Variants in HNRNPF observed in about 807,000 individuals in gnomAD.
The protein encoded by HNRNPF is HnRNP F protein.
A neutral mutation model predicts 26.0 loss-of-function variants in HNRNPF; 2 were observed. The observed-to-expected ratio is 0.08, with a 90% CI of 0.03 to 0.24. HNRNPF has a LOEUF of 0.24. HNRNPF is among the 10% of genes least tolerant of loss of function. The pLI, the probability that HNRNPF is intolerant of heterozygous loss-of-function variation, is 1.00. For missense variants in HNRNPF, 299 were observed against 539.2 expected (o/e 0.55, Z 4.41); for synonymous variants, 234 against 211.5 (o/e 1.11, Z -0.92).
intron 1 of HNRNPF, among the ~76,000 whole-genome samples, chr10:43,400,413 G>T (rs560296869): frequency 2.0e-5 from 3 of 152,266 alleles, no homozygotes; most frequent in Non-Finnish European, 2.9e-5. Flanking sequence ...TCTGCTGCTC[G>T]TGTCTGTTCA....
At chr10:43,403,729 T>C (rs1564399315) in intron 1 of HNRNPF, among the ~76,000 whole-genome samples, 1 of 152,188 alleles carries the variant, frequency 6.6e-6, no homozygotes, top group Non-Finnish European at 1.5e-5. Flanking sequence ...CCATATATAG[T>C]GGCTCACACC....
chr10:43,400,645 A>G (rs974154329), intron 1 of HNRNPF, among the ~76,000 whole-genome samples: 1 of 152,242 alleles, frequency 6.6e-6, no homozygotes, highest in Non-Finnish European at 1.5e-5. Context: ...TGAACTCAAG[A>G]ATTATGATAC....
intron 3 of HNRNPF, among the ~76,000 whole-genome samples, chr10:43,393,132 C>T (rs1389977058): frequency 6.6e-6 from 1 of 152,206 alleles, no homozygotes; most frequent in African/African-American, 2.4e-5. Context: ...ACAGCTCTAC[C>T]CTGTTCCTAA....
Position 43,387,165 on chromosome 10 carries a change from G to A in HNRNPF, c.720C>T (p.Tyr240=), listed in dbSNP as rs761272514. ...RMRPGAYSTG[Y]GGYEEYSGLS... is the part of the protein sequence containing the mutation. The stretch of plus-strand genomic sequence containing the variant: ...GGCCACTGTACTCCTCGTAGCCCCC[G>A]TAGCCTGTGCTGTAGGCACCAGGCC... Residue 240 remains tyrosine, a synonymous_variant, in exon 4 of 4, where the codon TAC becomes TAT. Transcript: ENST00000682386. The surrounding 1 kb of genome is among the most constrained non-coding windows in gnomAD (Gnocchi z 6.0). 1.1e-5 allele frequency: 17 copies of A among 1,613,974 alleles called. No individual in the cohort carries two copies. Among genetic ancestry groups the A allele is most frequent in the African/African-American group, 4.0e-5 (3 of 74,922 alleles).
At position 43,386,663 on chromosome 10, in the gene HNRNPF, G is replaced by A. The variant is rs1554788453; in HGVS notation, c.1222C>T (p.Gln408Ter). Reference protein sequence around the residue: ...SGCYGAGYSGQNSMGGYD With the variant: ...SGCYGAGYSG Reference sequence around the variant, plus strand: ...TAGTCATAGCCACCCATGCTGTTCTGCCCACTGTAGCCGGCCCCGTAACAG... The same window carrying A: ...TAGTCATAGCCACCCATGCTGTTCTACCCACTGTAGCCGGCCCCGTAACAG... The change falls in exon 4 of 4, where the codon CAG becomes TAG. Residue 408 changes from glutamine (Q) to a stop codon, truncating the protein, a stop_gained. Transcript: ENST00000682386. LOFTEE classifies it high-confidence loss of function. 6.3e-7 allele frequency: 1 copy of A among 1,576,454 alleles called. No homozygotes were observed. Among genetic ancestry groups the A allele is most frequent in the Non-Finnish European group, 8.6e-7 (1 of 1,168,000 alleles).
chr10:43,395,882 C>T (rs1347213312), intron 2 of HNRNPF, among the ~76,000 whole-genome samples: 1 of 152,206 alleles, frequency 6.6e-6, no homozygotes, highest in Admixed American at 6.5e-5. Context: ...CTGTAGACCA[C>T]GGCCACTGCG....
chr10:43,394,116 C>T (rs1039437683), intron 3 of HNRNPF, among the ~76,000 whole-genome samples: 3 of 152,214 alleles, frequency 2.0e-5, no homozygotes, highest in African/African-American at 2.4e-5. Context: ...ATGACCCCAT[C>T]CTCAGCACAG....
At chr10:43,407,284 C>A (rs917033043) in intron 1 of HNRNPF, among the ~76,000 whole-genome samples, 1 of 151,632 alleles carries the variant, frequency 6.6e-6, no homozygotes, top group African/African-American at 2.4e-5. Flanking sequence ...CCTCGCGTCC[C>A]GCCACGCAGA....
intron 1 of HNRNPF, among the ~76,000 whole-genome samples, chr10:43,401,309 G>A (rs982556415): frequency 1.3e-5 from 2 of 152,162 alleles, no homozygotes; most frequent in Non-Finnish European, 1.5e-5. Context: ...CAAAAGCTGT[G>A]TTACTAAAAA....
intron 1 of HNRNPF, among the ~76,000 whole-genome samples, chr10:43,406,588 G>C (rs762092069): frequency 3.9e-5 from 6 of 152,180 alleles, no homozygotes; most frequent in African/African-American, 1.4e-4. Flanking sequence ...CCAGATACTC[G>C]GCGGCTGAGG....
At chr10:43,398,276 G>A (rs781734405) in intron 1 of HNRNPF, among the ~76,000 whole-genome samples, 3 of 151,776 alleles carry the variant, frequency 2.0e-5, no homozygotes, top group African/African-American at 4.8e-5. Flanking sequence ...CCCCTGCCTC[G>A]GCCTCCCAAA....
intron 1 of HNRNPF, among the ~76,000 whole-genome samples, chr10:43,406,970 G>A (rs1287462127): frequency 6.6e-6 from 1 of 152,160 alleles, no homozygotes; most frequent in Non-Finnish European, 1.5e-5. Flanking sequence ...GAGTCACTTT[G>A]CAGGAATAGC....
chr10:43,394,362 G>A (rs1292922691), intron 3 of HNRNPF, among the ~76,000 whole-genome samples: 2 of 152,192 alleles, frequency 1.3e-5, no homozygotes, highest in African/African-American at 4.8e-5. Flanking sequence ...CTGAAGGCAA[G>A]GCGAAGAGAC....
intron 1 of HNRNPF, among the ~76,000 whole-genome samples, chr10:43,398,103 C>CT (rs1838624637): frequency 6.6e-6 from 1 of 152,154 alleles, no homozygotes; most frequent in Non-Finnish European, 1.5e-5. Context: ...TCTTGGCTCA[C>CT]TGCAACCTCT....
At chr10:43,388,379 G>A (rs576024096) in intron 3 of HNRNPF, among the ~76,000 whole-genome samples, 2 of 152,262 alleles carry the variant, frequency 1.3e-5, no homozygotes, top group South Asian at 2.1e-4. Context: ...ATAAGGGATG[G>A]GAACATAGCA....
At position 43,388,277 on chromosome 10, in the gene HNRNPF, C is replaced by T. The variant is rs148205008; in HGVS notation, c.-52-341G>A. ...CACCTATAAGAGCTCCTGAGTTGTT[C>T]CTCCTAAACTATACGCCTTACATTT... On this transcript the variant is annotated intron_variant, in intron 3 of 3. Transcript: ENST00000682386. 9.4e-4 allele frequency among the ~76,000 whole-genome samples: 143 copies of T among 152,282 alleles called. 1 individual carries two copies. The highest frequency in any genetic ancestry group is 3.3e-3 in the African/African-American group (136 of 41,568).
At chr10:43,394,966 G>GT (rs1238701697) in intron 2 of HNRNPF, among the ~76,000 whole-genome samples, 1 of 152,062 alleles carries the variant, frequency 6.6e-6, no homozygotes, top group Non-Finnish European at 1.5e-5. Context: ...TATTACAGGC[G>GT]TGCACCACCC....
At chr10:43,402,190 G>T (rs904545266) in intron 1 of HNRNPF, among the ~76,000 whole-genome samples, 1 of 151,968 alleles carries the variant, frequency 6.6e-6, no homozygotes. Context: ...TGAATTCAAA[G>T]AAAGGAAAAC....
chr10:43,386,495 G>T lies in HNRNPF; in HGVS notation c.*142C>A. Reference sequence around the variant, plus strand: ...AGAAAATTTTGCATGAGAAAACACTGAAGAGGTAATTTTTTAATCCAGATT... The same window carrying T: ...AGAAAATTTTGCATGAGAAAACACTTAAGAGGTAATTTTTTAATCCAGATT... On this transcript the variant is annotated 3_prime_UTR_variant, in exon 4 of 4. Transcript: ENST00000682386. The T allele has an allele frequency of 1.3e-6, 1 of 763,672 alleles. No individual in the cohort carries two copies. Among genetic ancestry groups the T allele is most frequent in the Non-Finnish European group, 2.0e-6 (1 of 493,526 alleles). 47.3% of individuals were successfully genotyped at this position (763,672 alleles called of 1,614,324 possible).
Sources: allele counts gnomAD v4.1 joint callset (sites outside exome capture counted in the v4.1 genomes callset), GRCh38; gene constraint gnomAD v4.1.1; non-coding constraint Gnocchi (gnomAD v3.1); transcripts MANE v1.5; gene names NCBI Gene and HGNC (gene_info 2026-07-23, HGNC 2026-07-21).